The following TSHZ2 variants were observed in gnomAD, a reference collection of about 807,000 sequenced individuals.
The protein encoded by TSHZ2 is teashirt homolog 2.
TSHZ2 carries 21 observed loss-of-function variants against 74.4 expected under a neutral mutation model. The ratio of observed to expected loss-of-function variants is 0.28; its 90% confidence interval spans 0.20 to 0.41. TSHZ2 has a LOEUF of 0.41. TSHZ2 is among the 10% of genes least tolerant of loss of function. The probability of loss-of-function intolerance (pLI) is 1.00; values close to 1 mark genes in which losing one functional copy is unlikely to be tolerated. For missense variants in TSHZ2, 1,244 were observed against 1,293.5 expected, an observed-to-expected ratio of 0.96 and a Z score of 0.59; for synonymous variants, 540 against 515.3, an observed-to-expected ratio of 1.05 and a Z score of -0.65.
At chr20:53,397,455 T>A (rs1247315379) in intron 2 of TSHZ2, among the ~76,000 whole-genome samples, 1 of 152,198 alleles carries the variant, frequency 6.6e-6, no homozygotes, top group Non-Finnish European at 1.5e-5. Context: ...AGAATGGTGA[T>A]CATTAAAATG....
chr20:53,033,651 CTTTTTTT>C (rs61445726), intron 1 of TSHZ2, among the ~76,000 whole-genome samples: 7,873 of 59,230 alleles, frequency 0.13, 337 homozygotes, highest in South Asian at 0.29. Context: ...TGATAAAAAG[CTTTTTTT>C]TTTTTTTTTT....
chr20:53,480,118 G>C (rs930987157), intron 2 of TSHZ2, among the ~76,000 whole-genome samples: 1 of 147,852 alleles, frequency 6.8e-6, no homozygotes, highest in African/African-American at 2.5e-5. Flanking sequence ...GCCCAGGCTA[G>C]AGTGCAACGA....
intron 2 of TSHZ2, among the ~76,000 whole-genome samples, chr20:53,324,987 A>G (rs1979432384): frequency 6.6e-6 from 1 of 152,218 alleles, no homozygotes; most frequent in Non-Finnish European, 1.5e-5. Flanking sequence ...CCACCGCCAA[A>G]TGCATGAATC....
intron 2 of TSHZ2, among the ~76,000 whole-genome samples, chr20:53,436,344 G>C (rs912593505): frequency 6.6e-6 from 1 of 151,930 alleles, no homozygotes; most frequent in African/African-American, 2.4e-5. Flanking sequence ...TAGTCAGTTT[G>C]ATCCTGCCCA....
intron 2 of TSHZ2, among the ~76,000 whole-genome samples, chr20:53,363,405 G>A (rs575043206): frequency 3.9e-5 from 6 of 152,306 alleles, no homozygotes; most frequent in East Asian, 3.9e-4. Flanking sequence ...TCCAGACACC[G>A]TCAAGATTTG....
chr20:52,989,960 T>TTA (rs945666352), intron 1 of TSHZ2, among the ~76,000 whole-genome samples: 5 of 151,450 alleles, frequency 3.3e-5, no homozygotes, highest in African/African-American at 9.7e-5. Context: ...TACATACTAA[T>TTA]TATATATATA....
chr20:52,998,656 T>C (rs1346260287), intron 1 of TSHZ2, among the ~76,000 whole-genome samples: 1 of 152,214 alleles, frequency 6.6e-6, no homozygotes, highest in Non-Finnish European at 1.5e-5. Flanking sequence ...TCTATGATTC[T>C]TGGTTTAGTT....
At chr20:53,121,541 A>G (rs1168516908) in intron 1 of TSHZ2, among the ~76,000 whole-genome samples, 1 of 152,190 alleles carries the variant, frequency 6.6e-6, no homozygotes, top group African/African-American at 2.4e-5. Flanking sequence ...TAGCCTCTGG[A>G]GGGAGGAACT....
At chr20:53,089,330 T>C (rs1336857276) in intron 1 of TSHZ2, among the ~76,000 whole-genome samples, 1 of 125,750 alleles carries the variant, frequency 8.0e-6, no homozygotes, top group Non-Finnish European at 1.7e-5. Context: ...CTTTTTTTTT[T>C]TTTTTTTTTT....
At chr20:52,982,625 C>T (rs980681558) in intron 1 of TSHZ2, among the ~76,000 whole-genome samples, 6 of 152,110 alleles carry the variant, frequency 3.9e-5, no homozygotes, top group African/African-American at 1.4e-4. Flanking sequence ...ATAGAGATGC[C>T]CCTGCCCTCA....
At chr20:53,221,037 T>A (rs1375285055) in intron 1 of TSHZ2, among the ~76,000 whole-genome samples, 1 of 152,192 alleles carries the variant, frequency 6.6e-6, no homozygotes, top group Non-Finnish European at 1.5e-5. Context: ...AGGGACCCAG[T>A]AGGAGATAAC....
chr20:53,157,253 A>T (rs1342774470), intron 1 of TSHZ2, among the ~76,000 whole-genome samples: 1 of 145,482 alleles, frequency 6.9e-6, no homozygotes, highest in Admixed American at 6.8e-5. Context: ...GGCGTAAAAC[A>T]CTCTGATTGT....
At chr20:53,406,320 T>TA (rs1982851582) in intron 2 of TSHZ2, among the ~76,000 whole-genome samples, 1 of 152,222 alleles carries the variant, frequency 6.6e-6, no homozygotes, top group South Asian at 2.1e-4. Flanking sequence ...GATTTTGCTC[T>TA]AAGAATGACA....
At chr20:53,004,689 T>C (rs1341935465) in intron 1 of TSHZ2, among the ~76,000 whole-genome samples, 1 of 152,188 alleles carries the variant, frequency 6.6e-6, no homozygotes, top group Non-Finnish European at 1.5e-5. Context: ...AAGAAATGTG[T>C]GGGCGTCCGT....
intron 2 of TSHZ2, among the ~76,000 whole-genome samples, chr20:53,340,386 G>A (rs373853103): frequency 6.6e-4 from 100 of 151,970 alleles, no homozygotes; most frequent in African/African-American, 2.1e-3. Context: ...GGGTTTCACC[G>A]TGTTAGTCAG....
chr20:53,297,960 A>C (rs543898837), intron 2 of TSHZ2, among the ~76,000 whole-genome samples: 25 of 152,338 alleles, frequency 1.6e-4, no homozygotes, highest in Middle Eastern at 3.4e-3. Flanking sequence ...AAAATGTCGA[A>C]ACTTATTCTC....
At chr20:53,242,444 G>A (rs1191849916) in intron 1 of TSHZ2, among the ~76,000 whole-genome samples, 1 of 152,146 alleles carries the variant, frequency 6.6e-6, no homozygotes, top group Non-Finnish European at 1.5e-5. Flanking sequence ...GCAAAGGTGA[G>A]ATAAGAGATT....
intron 2 of TSHZ2, among the ~76,000 whole-genome samples, chr20:53,469,071 A>ATATATATATT (rs1985666558): frequency 7.7e-6 from 1 of 129,526 alleles, no homozygotes; most frequent in Non-Finnish European, 1.6e-5. Context: ...ATATATATAT[A>ATATATATATT]TATATATATA....
intron 1 of TSHZ2, among the ~76,000 whole-genome samples, chr20:53,059,340 C>T (rs762901450): frequency 6.6e-6 from 1 of 152,174 alleles, no homozygotes; most frequent in Non-Finnish European, 1.5e-5. Flanking sequence ...AAACCTTTCT[C>T]ACATGGCCAT....
Sources: allele counts gnomAD v4.1 joint callset (sites outside exome capture counted in the v4.1 genomes callset), GRCh38; gene constraint gnomAD v4.1.1; transcripts MANE v1.5; gene names NCBI Gene and HGNC (gene_info 2026-07-23, HGNC 2026-07-21).